COL4A5: variants seen among roughly 807,000 people sequenced by gnomAD.
COL4A5 encodes the protein collagen type IV alpha 5 chain.
COL4A5 carries 26 observed loss-of-function variants against 130.2 expected under a neutral mutation model. The ratio of observed to expected loss-of-function variants is 0.20; its 90% CI spans 0.15 to 0.28. The LOEUF (loss-of-function observed/expected upper bound fraction) is 0.28, where lower values mean the gene tolerates loss of function less well. Among genes scored for constraint, COL4A5 ranks in the 10% least tolerant of loss-of-function variants. The pLI is 1.00. For synonymous variants in COL4A5, 496 were observed against 439.6 expected (o/e 1.13, Z -1.60); for missense variants, 1,131 against 1,344.3 (o/e 0.84, Z 2.48).
At chrX:108,464,089 G>A (rs915627043) in intron 1 of COL4A5, among the ~76,000 whole-genome samples, 1 of 111,434 alleles carries the variant, frequency 9.0e-6, no homozygotes, top group African/African-American at 3.3e-5. Flanking sequence ...AATGCCTGGC[G>A]TAGAGTAAGT....
chrX:108,685,559 T>C (rs748065825), intron 47 of COL4A5, among the ~76,000 whole-genome samples: 5 of 112,399 alleles, frequency 4.4e-5, no homozygotes, highest in Non-Finnish European at 9.4e-5. Context: ...GGGCTATCAG[T>C]TTCCCACTGT....
chrX:108,578,429 GTTAA>G (rs1170681477), intron 13 of COL4A5, 46 bp downstream of exon 13: 1 of 908,759 alleles, frequency 1.1e-6, no homozygotes, highest in Non-Finnish European at 1.6e-6. Flanking sequence ...CTATGGATAT[GTTAA>G]TTAGTTTGAT....
intron 36 of COL4A5, among the ~76,000 whole-genome samples, chrX:108,654,962 A>G (rs2067809005): frequency 8.9e-6 from 1 of 112,136 alleles, no homozygotes; most frequent in African/African-American, 3.2e-5. Context: ...TAACATGGGA[A>G]TAATAACAGT....
intron 1 of COL4A5, among the ~76,000 whole-genome samples, chrX:108,518,418 AT>A (rs746157355): frequency 9.0e-6 from 1 of 111,155 alleles, no homozygotes; most frequent in South Asian, 3.8e-4. Context: ...GCAATTGGTA[AT>A]TTGTTCAGAC....
chrX:108,544,537 C>G (rs990886323), intron 2 of COL4A5, among the ~76,000 whole-genome samples: 2 of 111,069 alleles, frequency 1.8e-5, no homozygotes, highest in Non-Finnish European at 3.8e-5. Context: ...ATTTTTGCAT[C>G]GATGTTCATC....
chrX:108,618,622 T>C (rs2066979239), intron 30 of COL4A5, among the ~76,000 whole-genome samples: 1 of 111,452 alleles, frequency 9.0e-6, no homozygotes, highest in South Asian at 3.7e-4. Flanking sequence ...CTAAAATAAG[T>C]TTTTTCACTC....
At chrX:108,470,688 C>T (rs1053993451) in intron 1 of COL4A5, among the ~76,000 whole-genome samples, 9 of 111,262 alleles carry the variant, frequency 8.1e-5, no homozygotes, top group Admixed American at 3.8e-4. Flanking sequence ...GTTGCCATTG[C>T]GTTTGGGGAT....
chrX:108,620,387 C>G lies in COL4A5; in HGVS notation c.2638C>G (p.Pro880Ala). The change falls in exon 31 of 53, where the codon CCA becomes GCA. Residue 880 changes from proline (P) to alanine (A), a missense_variant. Coordinates refer to ENST00000328300, the MANE Select transcript of COL4A5 (RefSeq NM_033380.3). The stretch of plus-strand genomic sequence containing the variant: ...TGGTCCTATAGGACCTCCAGGATCA[C>G]CAGGGCTTCCAGGAAAAGCAGGTGC... ...APGPIGPPGS[P>A]GLPGKAGASG... The G allele has an allele frequency of 8.3e-7, 1 of 1,209,587 alleles. No homozygotes were observed. Among genetic ancestry groups the G allele is most frequent in the African/African-American group, 1.7e-5 (1 of 57,564 alleles).
chrX:108,624,205 C>T, intron 33 of COL4A5, 31 bp from the exon 34 acceptor site: 1 of 1,117,807 alleles, frequency 8.9e-7, no homozygotes, highest in Non-Finnish European at 1.2e-6. Context: ...TAATATCATC[C>T]TAACTTGCCT....
intron 36 of COL4A5, among the ~76,000 whole-genome samples, chrX:108,643,562 A>C (rs760695626): frequency 7.2e-5 from 8 of 111,804 alleles, no homozygotes; most frequent in Non-Finnish European, 1.1e-4. Flanking sequence ...CCCTATCTTC[A>C]GCCTCCTCAA....
intron 1 of COL4A5, among the ~76,000 whole-genome samples, chrX:108,489,971 G>A (rs1379580369): frequency 9.0e-6 from 1 of 111,206 alleles, no homozygotes; most frequent in African/African-American, 3.3e-5. Context: ...AGATATTTGT[G>A]GATTCATATG....
intron 1 of COL4A5, among the ~76,000 whole-genome samples, chrX:108,526,895 G>C (rs1390271031): frequency 9.4e-6 from 1 of 105,901 alleles, no homozygotes; most frequent in African/African-American, 3.5e-5. Flanking sequence ...AGTCTCCTGA[G>C]TAGCTAAGAC....
chrX:108,591,843 C>T lies in COL4A5; in HGVS notation c.1423+199C>T, dbSNP rs113378134. Among the ~76,000 whole-genome samples the T allele has an allele frequency of 6.0e-3, 663 of 111,236 alleles. 2 individuals carry two copies. The highest frequency in any genetic ancestry group is 0.036 in the East Asian group (125 of 3,501). ...TTTTGGATCGCTCTCTTCTTTCTAG[C>T]TTACTACCTCTAGTAACCTGACTCC... On this transcript the variant is annotated intron_variant, in intron 21 of 52. Coordinates refer to ENST00000328300, the MANE Select transcript of COL4A5 (RefSeq NM_033380.3).
At chrX:108,682,783 T>C (rs192115236) in intron 47 of COL4A5, among the ~76,000 whole-genome samples, 2 of 112,034 alleles carry the variant, frequency 1.8e-5, no homozygotes, top group East Asian at 5.6e-4. Flanking sequence ...CCTTGTAGAT[T>C]CTGGATATTA....
chrX:108,568,608 G>T, intron 4 of COL4A5, 21 bp from the exon 5 acceptor site: 1 of 1,115,503 alleles, frequency 9.0e-7, no homozygotes, highest in Non-Finnish European at 1.2e-6. Context: ...TTTAGTTTAA[G>T]GATTTTATTT....
chrX:108,667,190 C>T lies in COL4A5; in HGVS notation c.3604+7C>T, dbSNP rs758387814. 5 of 1,188,146 alleles carry T rather than the reference C, an allele frequency of 4.2e-6. No individual in the cohort carries two copies. The highest frequency in any genetic ancestry group is 5.7e-6 in the Non-Finnish European group (5 of 875,288). ...GGACTTCCAGGACTTTCTGGTAAAC[C>T]TTAATAAAACATGCTAAATCAATCT... is the stretch of plus-strand genomic sequence containing the variant. On this transcript the variant is annotated splice_region_variant and intron_variant, in intron 40 of 52. Transcript: ENST00000328300.
At position 108,591,134 on chromosome X, in the gene COL4A5, T is replaced by G; in HGVS notation, c.1242T>G (p.Pro414=). Reference sequence around the variant, plus strand: ...GTCAGAAAGGTGATGAAGGACCACCTGGAATTTCCATTCCTGGACCTCCTG... The same window carrying G: ...GTCAGAAAGGTGATGAAGGACCACCGGGAATTTCCATTCCTGGACCTCCTG... ...ERGQKGDEGP[P]GISIPGPPGL... The change falls in exon 20 of 53, where the codon CCT becomes CCG. Residue 414 remains proline, a synonymous_variant. Coordinates refer to ENST00000328300, the MANE Select transcript of COL4A5 (RefSeq NM_033380.3). The G allele has an allele frequency of 8.3e-7, 1 of 1,209,286 alleles. No individual in the cohort carries two copies. The highest frequency in any genetic ancestry group is 1.1e-6 in the Non-Finnish European group (1 of 894,095).
intron 1 of COL4A5, among the ~76,000 whole-genome samples, chrX:108,473,633 A>ATATATATATATAT: frequency 2.9e-5 from 1 of 34,562 alleles, no homozygotes; most frequent in African/African-American, 1.1e-4. Flanking sequence ...ATATATATAT[A>ATATATATATATAT]TTTTTTTTTT....
chrX:108,620,126 T>G (rs1428886559), intron 30 of COL4A5, 133 bp from the exon 31 acceptor site: 3 of 536,314 alleles, frequency 5.6e-6, no homozygotes, highest in Non-Finnish European at 9.7e-6. Flanking sequence ...GTGTGCATGA[T>G]GTCAAAAGTA....
Sources: allele counts gnomAD v4.1 joint callset (sites outside exome capture counted in the v4.1 genomes callset), GRCh38; gene constraint gnomAD v4.1.1; transcripts MANE v1.5; gene names NCBI Gene and HGNC (gene_info 2026-07-23, HGNC 2026-07-21).